The following HNRNPR variants were observed in gnomAD, a reference collection of about 807,000 sequenced individuals.
HNRNPR encodes the protein heterogeneous nuclear ribonucleoprotein R.
In HNRNPR, 4 loss-of-function variants were observed where a neutral mutation model predicts 70.3. The observed-to-expected ratio is 0.06, with a 90% CI of 0.03 to 0.13. HNRNPR has a LOEUF of 0.13. Among genes scored for constraint, HNRNPR ranks in the 10% least tolerant of loss-of-function variants. HNRNPR has a pLI of 1.00. For missense variants in HNRNPR, 423 were observed against 788.5 expected (o/e 0.54, Z 5.55); for synonymous variants, 241 against 267.6 (o/e 0.90, Z 0.97).
intron 4 of HNRNPR, among the ~76,000 whole-genome samples, chr1:23,335,981 G>A (rs2148468802): frequency 6.7e-6 from 1 of 149,706 alleles, no homozygotes; most frequent in African/African-American, 2.5e-5. Context: ...GCCGGGCGTA[G>A]TGGCGGGCGC....
intron 9 of HNRNPR, 150 bp from the exon 10 acceptor site, chr1:23,311,472 A>C (rs563264046): frequency 1.5e-5 from 9 of 594,942 alleles, no homozygotes; most frequent in Non-Finnish European, 2.6e-5. Context: ...CTAGCCAGAA[A>C]GTTAAACACA....
chr1:23,326,811 CCT>C (rs1646002016), intron 5 of HNRNPR, among the ~76,000 whole-genome samples: 4 of 152,170 alleles, frequency 2.6e-5, no homozygotes, highest in South Asian at 4.2e-4. Flanking sequence ...TATTTTTCCC[CCT>C]CAGTTCTCAT....
At chr1:23,335,818 A>G (rs1022537221) in intron 4 of HNRNPR, among the ~76,000 whole-genome samples, 2 of 152,098 alleles carry the variant, frequency 1.3e-5, no homozygotes, top group South Asian at 2.1e-4. Context: ...AACTATTTCT[A>G]ATTAAAAAGT....
intron 5 of HNRNPR, among the ~76,000 whole-genome samples, chr1:23,328,495 T>C (rs1329139087): frequency 6.6e-6 from 1 of 152,030 alleles, no homozygotes; most frequent in Non-Finnish European, 1.5e-5. Flanking sequence ...TCGTTTTTTG[T>C]TGTTGTTGTT....
At chr1:23,317,285 C>T (rs1255997238) in intron 8 of HNRNPR, among the ~76,000 whole-genome samples, 4 of 151,840 alleles carry the variant, frequency 2.6e-5, no homozygotes, top group Admixed American at 2.0e-4. Flanking sequence ...GGTGAAACCC[C>T]GTCTCTACTA....
At chr1:23,317,552 C>T (rs750719559) in intron 8 of HNRNPR, among the ~76,000 whole-genome samples, 6 of 152,066 alleles carry the variant, frequency 3.9e-5, no homozygotes, top group African/African-American at 7.2e-5. Flanking sequence ...ATCCTGGCAA[C>T]GCAAGTACAG....
At position 23,310,164 on chromosome 1, in the gene HNRNPR, A is replaced by C. The variant is rs1645275603; in HGVS notation, c.*290T>G. 4.0e-6 allele frequency: 1 copy of C among 251,838 alleles called. No homozygotes were observed. Among genetic ancestry groups the C allele is most frequent in the Non-Finnish European group, 7.5e-6 (1 of 133,600 alleles). The allele number at this position is 251,838 out of a possible 1,614,324, so 15.6% of individuals were successfully genotyped here. A position where few individuals can be genotyped will look rare whatever the true frequency, so the allele number is the denominator to read the frequency against. On this transcript the variant is annotated 3_prime_UTR_variant, in exon 11 of 11. Coordinates refer to ENST00000302271, the MANE Select transcript of HNRNPR (RefSeq NM_005826.5). The surrounding 1 kb of genome is among the most constrained non-coding windows in gnomAD (Gnocchi z 6.0). ...CAAAGGTTCTGCAAAATCATGATTT[A>C]ACAGTGTGCCCAGCTTGTTTTGAAG... is the stretch of plus-strand genomic sequence containing the variant.
Position 23,343,729 on chromosome 1 carries a change from C to T in HNRNPR, c.-10+482G>A, listed in dbSNP as rs752857005. ...CTCACACAAAACTTTTCTCCCGGCT[C>T]AGATAACCCTGGGATCTGCACCCCG... On this transcript the variant is annotated intron_variant, in intron 1 of 10. Coordinates refer to ENST00000302271, the MANE Select transcript of HNRNPR (RefSeq NM_005826.5). 2.0e-5 allele frequency among the ~76,000 whole-genome samples: 3 copies of T among 152,232 alleles called. No homozygotes were observed. The South Asian group carries it at 6.2e-4, about 31-fold the overall frequency.
rs1377756813 is a variant in HNRNPR, at chr1:23,306,058, AATCT to A, written c.*4392_*4395del. The A allele has an allele frequency of 6.6e-6, 1 of 152,208 alleles. No individual in the cohort carries two copies. Among genetic ancestry groups the A allele is most frequent in the East Asian group, 1.9e-4 (1 of 5,204 alleles). The allele number at this position is 152,208 out of a possible 1,614,324, so 9.4% of individuals were successfully genotyped here. A position where few individuals can be genotyped will look rare whatever the true frequency, so the allele number is the denominator to read the frequency against. The stretch of plus-strand genomic sequence containing the variant: ...ATCTCTTTAAGATGCATTATATGTT[AATCT>A]ATCCAACAAAATATAGAAAATATAA... On this transcript the variant is annotated 3_prime_UTR_variant, in exon 11 of 11. Transcript: ENST00000302271.
chr1:23,310,695 C>G lies in HNRNPR; in HGVS notation c.1661G>C (p.Arg554Thr), dbSNP rs1557811498. 2 of 1,613,732 alleles carry G rather than the reference C, an allele frequency of 1.2e-6. No individual in the cohort carries two copies. The highest frequency in any genetic ancestry group is 8.5e-7 in the Non-Finnish European group (1 of 1,179,818). ...CCGAGATCCACGGGAACCACGGCCT[C>G]TCTGCTGTTGAGCAGGACCCCCTCT... ...GGRGGPAQQQ[R>T]GRGSRGSRGN... Residue 554 changes from arginine to threonine, a missense_variant, in exon 11 of 11, where the codon AGA (arginine) becomes ACA (threonine). Coordinates refer to ENST00000302271, the MANE Select transcript of HNRNPR (RefSeq NM_005826.5). The surrounding 1 kb of genome is among the most constrained non-coding windows in gnomAD (Gnocchi z 6.0).
At position 23,310,589 on chromosome 1, in the gene HNRNPR, G is replaced by A. The variant is rs764303039; in HGVS notation, c.1767C>T (p.Asn589=). Residue 589 remains asparagine (N), a synonymous_variant, in exon 11 of 11, where the codon AAC becomes AAT. Coordinates refer to ENST00000302271, the MANE Select transcript of HNRNPR (RefSeq NM_005826.5). The surrounding 1 kb of genome is among the most constrained non-coding windows in gnomAD (Gnocchi z 6.0). ...GTTGGGAACCCCAGTTCTGTTGGTT[G>A]TTGGTCTGACGACGCTTGGAATCAG... ...NQPDSKRRQT[N]NQQNWGSQPI... 1 of 1,614,210 alleles carries A rather than the reference G, an allele frequency of 6.2e-7. No homozygotes were observed. The highest frequency in any genetic ancestry group is 1.7e-5 in the Admixed American group (1 of 60,032).
At chr1:23,313,732 AT>A (rs747487055) in intron 8 of HNRNPR, 30 bp from the exon 9 acceptor site, 10 of 1,589,662 alleles carry the variant, frequency 6.3e-6, no homozygotes, top group Non-Finnish European at 7.7e-6. Context: ...CAAAACCGTC[AT>A]TGGCTACTTA....
intron 8 of HNRNPR, among the ~76,000 whole-genome samples, chr1:23,316,169 A>G (rs971781143): frequency 2.6e-5 from 4 of 152,190 alleles, no homozygotes; most frequent in African/African-American, 9.6e-5. Context: ...AGGAAACAAT[A>G]AAGGAGCTGG....
chr1:23,320,932 C>T lies in HNRNPR; in HGVS notation c.811+596G>A, dbSNP rs530757373. 3.7e-4 allele frequency among the ~76,000 whole-genome samples: 57 copies of T among 152,014 alleles called. No homozygotes were observed. The East Asian group carries it at 0.01, about 27-fold the overall frequency. On this transcript the variant is annotated intron_variant, in intron 7 of 10. Transcript: ENST00000302271. ...CTGTAATCCCAGCACTTTGGGAGGC[C>T]GAGGCGGGAGGATCACCAGAGGTCG...
chr1:23,313,404 C>T, intron 9 of HNRNPR, 149 bp downstream of exon 9: 1 of 580,684 alleles, frequency 1.7e-6, no homozygotes, highest in African/African-American at 2.0e-5. Context: ...TTATCTGTTA[C>T]ATACTATTAC....
rs1418815883 is a variant in HNRNPR, at chr1:23,338,662, G to A, written c.158-54C>T. On this transcript the variant is annotated intron_variant, in intron 2 of 10. Coordinates refer to ENST00000302271, the MANE Select transcript of HNRNPR (RefSeq NM_005826.5). ...TATTGCAACAAAAGGGGTAATCTAAGCTCTACTGACGTTTAATCAAGAATT... is the reference window on the plus strand; with the variant it reads ...TATTGCAACAAAAGGGGTAATCTAAACTCTACTGACGTTTAATCAAGAATT... 1.8e-5 allele frequency: 15 copies of A among 831,446 alleles called. 1 individual carries two copies. In the Middle Eastern group the frequency reaches 2.0e-3, roughly 111 times the overall value. 51.5% of individuals were successfully genotyped at this position (831,446 alleles called of 1,614,324 possible).
At chr1:23,337,582 G>C (rs918068132) in intron 4 of HNRNPR, among the ~76,000 whole-genome samples, 172 bp downstream of exon 4, 5 of 151,324 alleles carry the variant, frequency 3.3e-5, no homozygotes, top group South Asian at 2.1e-4. Context: ...GCATGAACTT[G>C]GGAGGTGGAG....
chr1:23,341,038 G>T (rs1342049661), intron 1 of HNRNPR, 21 bp from the exon 2 acceptor site: 3 of 1,592,338 alleles, frequency 1.9e-6, no homozygotes, highest in Admixed American at 3.5e-5. Context: ...AAATTCAGGA[G>T]CTATATTACA....
Position 23,318,390 on chromosome 1 carries a change from T to C in HNRNPR, c.1017+93A>G, listed in dbSNP as rs895515973. ...ACAGTTGAAGTCTAAAGCTACAATT[T>C]CTATTTATCATAAAACTCAAAATAT... On this transcript the variant is annotated intron_variant, in intron 8 of 10. Transcript: ENST00000302271. This position sits in a 1 kb window ranked among gnomAD's most constrained non-coding sequence, Gnocchi z 4.2. 1.8e-6 allele frequency: 2 copies of C among 1,088,524 alleles called. No homozygotes were observed. Among genetic ancestry groups the C allele is most frequent in the East Asian group, 4.8e-5 (2 of 41,672 alleles). The allele number at this position is 1,088,524 out of a possible 1,614,324, so 67.4% of individuals were successfully genotyped here. A position where few individuals can be genotyped will look rare whatever the true frequency, so the allele number is the denominator to read the frequency against.
Sources: allele counts gnomAD v4.1 joint callset (sites outside exome capture counted in the v4.1 genomes callset), GRCh38; gene constraint gnomAD v4.1.1; non-coding constraint Gnocchi (gnomAD v3.1); transcripts MANE v1.5; gene names NCBI Gene and HGNC (gene_info 2026-07-23, HGNC 2026-07-21).